Variants in ESRRG observed in about 807,000 individuals in gnomAD.
The protein encoded by ESRRG is estrogen related receptor gamma.
A neutral mutation model predicts 44.0 loss-of-function variants in ESRRG; 13 were observed. The ratio of observed to expected loss-of-function variants is 0.30; its 90% CI spans 0.19 to 0.47. ESRRG has a LOEUF of 0.47. Ranked by LOEUF, ESRRG falls within the 20% of genes least tolerant of loss-of-function variation. The probability of loss-of-function intolerance (pLI) is 1.00; values close to 1 mark genes in which losing one functional copy is unlikely to be tolerated. For missense variants in ESRRG, 395 were observed against 580.6 expected, an observed-to-expected ratio of 0.68 and a Z score of 3.29; for synonymous variants, 215 against 214.6, an observed-to-expected ratio of 1.00 and a Z score of -0.02.
chr1:217,051,924 C>A (rs1209186688), intron 1 of ESRRG, among the ~76,000 whole-genome samples: 1 of 151,546 alleles, frequency 6.6e-6, no homozygotes, highest in African/African-American at 2.4e-5. Context: ...CCACCACACC[C>A]AGATAATTAT....
At chr1:216,806,529 G>T (rs143706624) in intron 2 of ESRRG, among the ~76,000 whole-genome samples, 109 of 152,250 alleles carry the variant, frequency 7.2e-4, no homozygotes, top group African/African-American at 2.6e-3. Flanking sequence ...GCTTATCAAC[G>T]TGAGGCATGA....
intron 1 of ESRRG, among the ~76,000 whole-genome samples, chr1:216,989,104 G>T (rs1203004648): frequency 6.6e-6 from 1 of 152,092 alleles, no homozygotes; most frequent in Non-Finnish European, 1.5e-5. Context: ...ATATTCTAGA[G>T]TGGGTAATTT....
chr1:216,959,911 T>G (rs1371759889), intron 1 of ESRRG, among the ~76,000 whole-genome samples: 1 of 152,106 alleles, frequency 6.6e-6, no homozygotes, highest in South Asian at 2.1e-4. Context: ...ACTGAGAAAC[T>G]GTTAAACCTC....
intron 2 of ESRRG, among the ~76,000 whole-genome samples, chr1:216,668,639 C>CT (rs2074490696): frequency 6.6e-6 from 1 of 152,038 alleles, no homozygotes; most frequent in African/African-American, 2.4e-5. Flanking sequence ...ACCCAAAGAT[C>CT]TTTTTTCATC....
upstream of ESRRG, among the ~76,000 whole-genome samples, chr1:216,724,231 T>C (rs574443098): frequency 1.3e-4 from 20 of 152,232 alleles, no homozygotes; most frequent in South Asian, 4.1e-3. Flanking sequence ...AACGCATAGC[T>C]TTTCAAAACA....
intron 2 of ESRRG, among the ~76,000 whole-genome samples, chr1:216,840,301 C>T (rs184680269): frequency 1.4e-4 from 22 of 152,308 alleles, no homozygotes; most frequent in Admixed American, 1.2e-3. Flanking sequence ...CCAACCTGTG[C>T]TAGCTTCCAT....
At chr1:216,662,911 G>T (rs1183102377) in intron 2 of ESRRG, among the ~76,000 whole-genome samples, 3 of 152,148 alleles carry the variant, frequency 2.0e-5, no homozygotes, top group Non-Finnish European at 2.9e-5. Context: ...GATTTGGCCC[G>T]CAGGCCTTGG....
chr1:216,775,659 C>T (rs1281479118), intron 2 of ESRRG, among the ~76,000 whole-genome samples: 1 of 143,554 alleles, frequency 7.0e-6, no homozygotes, highest in Non-Finnish European at 1.5e-5. Flanking sequence ...TCAGGTGATC[C>T]TCTCACTTCA....
chr1:216,691,553 G>A (rs554607737), intron 1 of ESRRG, among the ~76,000 whole-genome samples: 1 of 152,110 alleles, frequency 6.6e-6, no homozygotes, highest in Non-Finnish European at 1.5e-5. Flanking sequence ...CACACACAAA[G>A]GTTACAGCAT....
intron 1 of ESRRG, among the ~76,000 whole-genome samples, chr1:217,100,111 G>A (rs1315667332): frequency 6.6e-6 from 1 of 152,186 alleles, no homozygotes; most frequent in East Asian, 1.9e-4. Context: ...GGGAAGCTAT[G>A]TAATTACTTT....
Position 216,904,773 on chromosome 1 carries a change from C to T in ESRRG, c.-14+34809G>A, listed in dbSNP as rs547782338. Among the ~76,000 whole-genome samples, 71 of 152,264 alleles carry T rather than the reference C, an allele frequency of 4.7e-4. 1 individual carries two copies. Among genetic ancestry groups the T allele is most frequent in the Middle Eastern group, 3.4e-3 (1 of 294 alleles). ...CTGAATTGTATGTGACTGCAAACCC[C>T]AGCCATTGCTTGGAAGTCTACGACA... On this transcript the variant is annotated intron_variant, in intron 2 of 7. Transcript: ENST00000359162.
At chr1:216,885,949 C>T (rs17044247) in intron 2 of ESRRG, among the ~76,000 whole-genome samples, 15,860 of 152,032 alleles carry the variant, frequency 0.1, 1,150 homozygotes, top group East Asian at 0.33. Flanking sequence ...CTTCTTAGAA[C>T]CTCTAGCCTG....
intron 3 of ESRRG, among the ~76,000 whole-genome samples, chr1:216,648,170 A>G (rs1192988482): frequency 6.6e-6 from 1 of 152,208 alleles, no homozygotes; most frequent in East Asian, 1.9e-4. Flanking sequence ...TTAGAAAGCA[A>G]GTCTTGAGCC....
intron 1 of ESRRG, among the ~76,000 whole-genome samples, chr1:216,690,826 A>G (rs1391584014): frequency 4.6e-5 from 7 of 152,172 alleles, no homozygotes; most frequent in Admixed American, 3.9e-4. Context: ...AGCCCAGTTC[A>G]AAGTCCAGAT....
intron 1 of ESRRG, among the ~76,000 whole-genome samples, chr1:216,984,415 T>A (rs1212174402): frequency 1.3e-5 from 2 of 152,172 alleles, no homozygotes; most frequent in African/African-American, 4.8e-5. Flanking sequence ...AGAGTACATA[T>A]TTCAGTTGCA....
chr1:216,638,300 CT>C (rs1011677328), intron 3 of ESRRG, among the ~76,000 whole-genome samples: 2 of 152,102 alleles, frequency 1.3e-5, no homozygotes, highest in Non-Finnish European at 2.9e-5. Context: ...ATAGGTAAGG[CT>C]TAAAAAGGTA....
At position 216,702,670 on chromosome 1, in the gene ESRRG, G is replaced by T. The variant is rs560961594; in HGVS notation, c.56+20574C>A. On this transcript the variant is annotated intron_variant, in intron 1 of 6. Coordinates refer to ENST00000408911, the MANE Select transcript of ESRRG (RefSeq NM_001438.4). ...CATATGCCTGTAATCCCAGCTACTC[G>T]AGAAGCTGAGGCAGCAGAATCGCTT... Among the ~76,000 whole-genome samples the T allele has an allele frequency of 1.7e-4, 26 of 149,784 alleles. No homozygotes were observed. In the South Asian group the frequency reaches 5.3e-3, roughly 31 times the overall value.
chr1:216,667,593 C>G (rs570754371), intron 2 of ESRRG, among the ~76,000 whole-genome samples: 117 of 140,088 alleles, frequency 8.4e-4, no homozygotes, highest in Non-Finnish European at 1.4e-3. Flanking sequence ...GGCTGAGGCA[C>G]AAGAATCGCT....
intron 1 of ESRRG, among the ~76,000 whole-genome samples, chr1:216,722,153 A>C (rs2086479434): frequency 6.6e-6 from 1 of 152,236 alleles, no homozygotes; most frequent in African/African-American, 2.4e-5. Context: ...GCACTACCTC[A>C]TCTTCTAGAG....
Sources: allele counts gnomAD v4.1 joint callset (sites outside exome capture counted in the v4.1 genomes callset), GRCh38; gene constraint gnomAD v4.1.1; transcripts MANE v1.5; gene names NCBI Gene and HGNC (gene_info 2026-07-23, HGNC 2026-07-21).